EXOC6: variants seen among roughly 807,000 people sequenced by gnomAD.
The protein encoded by EXOC6 is exocyst complex component 6.
EXOC6 carries 60 observed loss-of-function variants against 112.5 expected under a neutral mutation model. The observed-to-expected ratio is 0.53, with a 90% CI of 0.43 to 0.66. The LOEUF (loss-of-function observed/expected upper bound fraction) is 0.66. Among genes scored for constraint, EXOC6 ranks in the 30% least tolerant of loss-of-function variants. The pLI is 0.00. For missense variants in EXOC6, 855 were observed against 957.1 expected (o/e 0.89, Z 1.41); for synonymous variants, 295 against 308.0 (o/e 0.96, Z 0.44).
intron 14 of EXOC6, 121 bp from the exon 15 acceptor site, chr10:92,952,152 A>G (rs991483075): frequency 8.1e-6 from 5 of 617,682 alleles, no homozygotes; most frequent in Non-Finnish European, 1.4e-5. Flanking sequence ...GAAATATAAC[A>G]GAGTTTTTGA....
At chr10:92,862,199 T>C (rs1202006214) in intron 1 of EXOC6, among the ~76,000 whole-genome samples, 1 of 152,226 alleles carries the variant, frequency 6.6e-6, no homozygotes, top group Non-Finnish European at 1.5e-5. Context: ...TCTATGATTT[T>C]ACCTATTTTG....
intron 1 of EXOC6, among the ~76,000 whole-genome samples, chr10:92,868,041 T>C (rs1332299031): frequency 6.6e-6 from 1 of 152,164 alleles, no homozygotes; most frequent in Non-Finnish European, 1.5e-5. Flanking sequence ...TTTACTGTAG[T>C]TATACTTTTA....
intron 1 of EXOC6, among the ~76,000 whole-genome samples, chr10:92,866,284 A>G (rs1456886224): frequency 1.3e-5 from 2 of 152,188 alleles, no homozygotes; most frequent in African/African-American, 4.8e-5. Context: ...CAAGAATTTT[A>G]TCACACTTGG....
At chr10:93,045,635 A>G (rs1479572501) in intron 20 of EXOC6, among the ~76,000 whole-genome samples, 1 of 152,250 alleles carries the variant, frequency 6.6e-6, no homozygotes, top group Admixed American at 6.5e-5. Flanking sequence ...TCGTAGCTTC[A>G]GTGGAGCAAA....
rs1000745134 is a variant in EXOC6, at chr10:93,058,462, A to G, written c.*107A>G. The G allele has an allele frequency of 6.9e-6, 6 of 874,964 alleles. No individual in the cohort carries two copies. The highest frequency in any genetic ancestry group is 7.0e-5 in the Admixed American group (2 of 28,608). The allele number at this position is 874,964 out of a possible 1,614,324, so 54.2% of individuals were successfully genotyped here. A position where few individuals can be genotyped will look rare whatever the true frequency, so the allele number is the denominator to read the frequency against. ...TTTGTTTACAGAATCCAAAAATACA[A>G]TAGAGAAGATACATGAGGGCTTAAA... On this transcript the variant is annotated 3_prime_UTR_variant, in exon 22 of 22. Coordinates refer to ENST00000260762, the MANE Select transcript of EXOC6 (RefSeq NM_019053.6).
chr10:93,046,303 C>T (rs1440625342), intron 20 of EXOC6, among the ~76,000 whole-genome samples: 1 of 152,116 alleles, frequency 6.6e-6, no homozygotes, highest in East Asian at 1.9e-4. Flanking sequence ...CTATGATTCA[C>T]CCAGACTAAA....
At chr10:92,934,068 G>A (rs1852216906) in intron 9 of EXOC6, 76 bp from the exon 10 acceptor site, 2 of 856,330 alleles carry the variant, frequency 2.3e-6, no homozygotes, top group South Asian at 3.3e-5. Flanking sequence ...TGTTAATGAA[G>A]TTGTAGTGAC....
At position 93,036,571 on chromosome 10, in the gene EXOC6, A is replaced by G. The variant is rs116041403; in HGVS notation, c.2170-20353A>G. On this transcript the variant is annotated intron_variant, in intron 20 of 21. Coordinates refer to ENST00000260762, the MANE Select transcript of EXOC6 (RefSeq NM_019053.6). ...TAATGAAGCTGCCATTAATATATTT[A>G]TACATATATATCGAGCACTTGTGTA... is the stretch of plus-strand genomic sequence containing the variant. Among the ~76,000 whole-genome samples, 979 of 152,292 alleles carry G rather than the reference A, an allele frequency of 6.4e-3. 12 individuals are homozygous for G. Among genetic ancestry groups the G allele is most frequent in the African/African-American group, 0.023 (936 of 41,554 alleles).
chr10:92,910,703 G>C (rs1007417197), intron 6 of EXOC6, among the ~76,000 whole-genome samples: 3 of 152,154 alleles, frequency 2.0e-5, no homozygotes, highest in Admixed American at 2.0e-4. Flanking sequence ...GGCAAGGCGG[G>C]CAGATCACGA....
chr10:92,944,972 A>G (rs767748772), intron 13 of EXOC6, among the ~76,000 whole-genome samples: 2 of 151,824 alleles, frequency 1.3e-5, no homozygotes, highest in Non-Finnish European at 2.9e-5. Flanking sequence ...GGGTTTCTGT[A>G]TGTTGGTCAG....
intron 20 of EXOC6, among the ~76,000 whole-genome samples, chr10:93,020,382 C>T (rs1374146320): frequency 6.6e-6 from 1 of 150,822 alleles, no homozygotes; most frequent in Non-Finnish European, 1.5e-5. Context: ...TGCTTGAATA[C>T]CTGATTCAAA....
intron 20 of EXOC6, among the ~76,000 whole-genome samples, chr10:93,034,058 A>T (rs1004137650): frequency 3.3e-5 from 5 of 152,240 alleles, no homozygotes; most frequent in African/African-American, 1.2e-4. Flanking sequence ...AACTATTTCA[A>T]CTATATATAT....
In EXOC6 at chr10:93,025,187, T is replaced by C. The variant is rs73319320; in HGVS notation, c.2169+10920T>C. On this transcript the variant is annotated intron_variant, in intron 20 of 21. Transcript: ENST00000260762. Reference sequence around the variant, plus strand: ...AGGTTTTAGGAAATCTGACTTACAATGCGAAAAAGATCTGGTAGTTTTAGT... The same window carrying C: ...AGGTTTTAGGAAATCTGACTTACAACGCGAAAAAGATCTGGTAGTTTTAGT... Among the ~76,000 whole-genome samples the C allele has an allele frequency of 3.9e-3, 594 of 152,290 alleles. 3 individuals carry two copies. The highest frequency in any genetic ancestry group is 0.014 in the African/African-American group (567 of 41,556).
intron 14 of EXOC6, 117 bp from the exon 15 acceptor site, chr10:92,952,156 T>A: frequency 1.6e-6 from 1 of 615,088 alleles, no homozygotes; most frequent in Non-Finnish European, 2.9e-6. Context: ...TATAACAGAG[T>A]TTTTGATGCA....
At chr10:92,950,209 T>C (rs1350115338) in intron 14 of EXOC6, among the ~76,000 whole-genome samples, 2 of 152,162 alleles carry the variant, frequency 1.3e-5, no homozygotes, top group Non-Finnish European at 2.9e-5. Context: ...ATAAAGTCTT[T>C]TGGTTGTGTG....
chr10:93,012,054 G>A (rs1293907449), intron 19 of EXOC6, among the ~76,000 whole-genome samples: 1 of 152,110 alleles, frequency 6.6e-6, no homozygotes, highest in Non-Finnish European at 1.5e-5. Flanking sequence ...GAACAAAGGG[G>A]GAAAAGTGGT....
At chr10:93,009,184 T>A (rs1017836273) in intron 19 of EXOC6, among the ~76,000 whole-genome samples, 3 of 151,884 alleles carry the variant, frequency 2.0e-5, no homozygotes, top group Non-Finnish European at 4.4e-5. Flanking sequence ...CACTCCAGTC[T>A]GGGCAACAGA....
chr10:92,910,812 C>G (rs1195842988), intron 6 of EXOC6, among the ~76,000 whole-genome samples: 1 of 151,990 alleles, frequency 6.6e-6, no homozygotes, highest in Non-Finnish European at 1.5e-5. Flanking sequence ...ACCTGTAGTC[C>G]CAGCTACTCA....
At chr10:92,971,643 G>A (rs531975653) in intron 17 of EXOC6, among the ~76,000 whole-genome samples, 180 of 152,214 alleles carry the variant, frequency 1.2e-3, no homozygotes, top group African/African-American at 4.0e-3. Flanking sequence ...GCCTCCCAAA[G>A]TGCTAGGATT....
Sources: gnomAD v4.1 joint callset for allele counts (sites outside exome capture counted in the v4.1 genomes callset) on GRCh38, gnomAD v4.1.1 for gene constraint, MANE v1.5 for transcripts, NCBI Gene and HGNC (gene_info 2026-07-23, HGNC 2026-07-21) for gene names.